The following PXDC1 variants were observed in gnomAD, a reference collection of about 807,000 sequenced individuals.
PXDC1 encodes PX domain-containing protein 1.
In PXDC1, 13 loss-of-function variants were observed where a neutral mutation model predicts 24.4. That is an observed-to-expected ratio of 0.53 (90% CI 0.35 to 0.85). The LOEUF is 0.85. Ranked by LOEUF, PXDC1 falls within the 40% of genes least tolerant of loss-of-function variation. The probability of loss-of-function intolerance (pLI) is 0.01; values close to 1 mark genes in which losing one functional copy is unlikely to be tolerated. For synonymous variants in PXDC1, 162 were observed against 124.9 expected, an observed-to-expected ratio of 1.30 and a Z score of -1.98; for missense variants, 344 against 309.3, an observed-to-expected ratio of 1.11 and a Z score of -0.84.
chr6:3,737,057 A>G lies in PXDC1; in HGVS notation c.466+22T>C. The G allele has an allele frequency of 7.0e-7, 1 of 1,438,390 alleles. No individual in the cohort carries two copies. Among genetic ancestry groups the G allele is most frequent in the Non-Finnish European group, 9.8e-7 (1 of 1,019,628 alleles). The allele number at this position is 1,438,390 out of a possible 1,614,324, so 89.1% of individuals were successfully genotyped here. On this transcript the variant is annotated intron_variant, in intron 3 of 4. Coordinates refer to ENST00000380283, the MANE Select transcript of PXDC1 (RefSeq NM_183373.4). The surrounding 1 kb of genome is among the most constrained non-coding windows in gnomAD (Gnocchi z 5.5). ...GCCTCAACAGCAGTCCCTCCCACCA[A>G]CGCCTCCTTTGTGGCTCTTACCTGA...
At chr6:3,736,493 A>C (rs1446676845) in intron 3 of PXDC1, among the ~76,000 whole-genome samples, 3 of 152,232 alleles carry the variant, frequency 2.0e-5, no homozygotes, top group Non-Finnish European at 4.4e-5. Context: ...TTTTCCCTAC[A>C]AAATCCTCCT....
At chr6:3,729,721 T>C (rs1417420126) in intron 3 of PXDC1, among the ~76,000 whole-genome samples, 1 of 152,246 alleles carries the variant, frequency 6.6e-6, no homozygotes, top group Non-Finnish European at 1.5e-5. Flanking sequence ...TTATTGTTTT[T>C]ATTAACTCTG....
chr6:3,751,590 G>A lies in PXDC1; in HGVS notation c.-59C>T. On this transcript the variant is annotated 5_prime_UTR_variant, in exon 1 of 5. Coordinates refer to ENST00000380283, the MANE Select transcript of PXDC1 (RefSeq NM_183373.4). ...CCCCGCCGCCCGCCCGCCCGCAGGAGGCGCGCCCCGGCCGGGGTCGTCCCG... is the reference window on the plus strand; with the variant it reads ...CCCCGCCGCCCGCCCGCCCGCAGGAAGCGCGCCCCGGCCGGGGTCGTCCCG... 7 of 1,434,742 alleles carry A rather than the reference G, an allele frequency of 4.9e-6. No individual in the cohort carries two copies. The highest frequency in any genetic ancestry group is 2.8e-5 in the Admixed American group (1 of 36,306). The allele number at this position is 1,434,742 out of a possible 1,614,324, so 88.9% of individuals were successfully genotyped here.
chr6:3,737,058 C>A lies in PXDC1; in HGVS notation c.466+21G>T, dbSNP rs747615698. The A allele has an allele frequency of 1.4e-6, 2 of 1,440,976 alleles. No individual in the cohort carries two copies. The highest frequency in any genetic ancestry group is 2.0e-6 in the Non-Finnish European group (2 of 1,021,888). The allele number at this position is 1,440,976 out of a possible 1,614,324, so 89.3% of individuals were successfully genotyped here. A position where few individuals can be genotyped will look rare whatever the true frequency, so the allele number is the denominator to read the frequency against. On this transcript the variant is annotated intron_variant, in intron 3 of 4. Coordinates refer to ENST00000380283, the MANE Select transcript of PXDC1 (RefSeq NM_183373.4). This position sits in a 1 kb window ranked among gnomAD's most constrained non-coding sequence, Gnocchi z 5.5. ...CCTCAACAGCAGTCCCTCCCACCAA[C>A]GCCTCCTTTGTGGCTCTTACCTGAT...
intron 3 of PXDC1, among the ~76,000 whole-genome samples, chr6:3,729,681 A>G (rs552156793): frequency 5.3e-5 from 8 of 152,244 alleles, no homozygotes; most frequent in African/African-American, 7.2e-5. Context: ...CTCTCTATCT[A>G]AAATGGGTGG....
chr6:3,751,346 G>C lies in PXDC1; in HGVS notation c.186C>G (p.Arg62=). 1 of 1,553,974 alleles carries C rather than the reference G, an allele frequency of 6.4e-7. No homozygotes were observed. The highest frequency in any genetic ancestry group is 1.2e-5 in the South Asian group (1 of 84,342). ...YLHRSLADLG[R]LWQRLRDAFP... Reference sequence around the variant, plus strand: ...AGGCGTCGCGCAGGCGCTGCCACAGGCGGCCCAGGTCCGCCAGGCTGCGGT... The same window carrying C: ...AGGCGTCGCGCAGGCGCTGCCACAGCCGGCCCAGGTCCGCCAGGCTGCGGT... Residue 62 remains arginine, a synonymous_variant, in exon 1 of 5, where the codon CGC becomes CGG. Coordinates refer to ENST00000380283, the MANE Select transcript of PXDC1 (RefSeq NM_183373.4).
chr6:3,733,507 G>A (rs904159004), intron 3 of PXDC1, among the ~76,000 whole-genome samples: 2 of 152,162 alleles, frequency 1.3e-5, no homozygotes, highest in African/African-American at 4.8e-5. Flanking sequence ...GACACAGTGA[G>A]GGGCGAGCTA....
chr6:3,737,366 T>C lies in PXDC1; in HGVS notation c.349-170A>G, dbSNP rs1760343095. Among the ~76,000 whole-genome samples the C allele has an allele frequency of 6.6e-6, 1 of 152,224 alleles. No individual in the cohort carries two copies. Among genetic ancestry groups the C allele is most frequent in the Non-Finnish European group, 1.5e-5 (1 of 68,028 alleles). ...GCCGCAGGGGCGGGGCTGCCATCAC[T>C]GCACAGCCCTCACATGCTCATGGCC... On this transcript the variant is annotated intron_variant, in intron 2 of 4. Transcript: ENST00000380283. The surrounding 1 kb of genome is among the most constrained non-coding windows in gnomAD (Gnocchi z 5.5).
chr6:3,751,094 C>A, intron 1 of PXDC1, 182 bp downstream of exon 1: 1 of 519,292 alleles, frequency 1.9e-6, no homozygotes, highest in Non-Finnish European at 3.3e-6. Context: ...AGGCTGGCTC[C>A]CCGTCCCCCT....
In PXDC1 at chr6:3,751,628, G is replaced by GCCGGGGTCGT; in HGVS notation, c.-107_-98dup. Reference sequence around the variant, plus strand: ...CGGGGTCGTCCCGGGTCTGTCCGTGGCCGGGGTCGTCCGGGGTCGGCCCGT... The same window carrying GCCGGGGTCGT: ...CGGGGTCGTCCCGGGTCTGTCCGTGGCCGGGGTCGTCCGGGGTCGTCCGGGGTCGGCCCGT... On this transcript the variant is annotated 5_prime_UTR_variant, in exon 1 of 5. Coordinates refer to ENST00000380283, the MANE Select transcript of PXDC1 (RefSeq NM_183373.4). 2.2e-6 allele frequency: 3 copies of GCCGGGGTCGT among 1,351,604 alleles called. No homozygotes were observed. The highest frequency in any genetic ancestry group is 2.8e-6 in the Non-Finnish European group (3 of 1,057,788). The allele number at this position is 1,351,604 out of a possible 1,614,324, so 83.7% of individuals were successfully genotyped here. A position where few individuals can be genotyped will look rare whatever the true frequency, so the allele number is the denominator to read the frequency against.
chr6:3,747,347 C>T (rs1561740429), intron 1 of PXDC1, among the ~76,000 whole-genome samples: 1 of 152,162 alleles, frequency 6.6e-6, no homozygotes. Context: ...CAGCACCTGC[C>T]TCCACGCCTC....
Position 3,723,567 on chromosome 6 carries a change from G to C in PXDC1, c.*52C>G. On this transcript the variant is annotated 3_prime_UTR_variant, in exon 5 of 5. Transcript: ENST00000380283. Reference sequence around the variant, plus strand: ...ACCATGGGGGCCAGCACAGTGGACAGCATCAGAGCTGGCAGTGAACAGCTG... The same window carrying C: ...ACCATGGGGGCCAGCACAGTGGACACCATCAGAGCTGGCAGTGAACAGCTG... 7.5e-7 allele frequency: 1 copy of C among 1,337,264 alleles called. No homozygotes were observed. Among genetic ancestry groups the C allele is most frequent in the Non-Finnish European group, 1.1e-6 (1 of 929,748 alleles). 82.8% of individuals were successfully genotyped at this position (1,337,264 alleles called of 1,614,324 possible).
rs1760010193 is a variant in PXDC1, at chr6:3,724,404, C to G, written c.579-668G>C. Reference sequence around the variant, plus strand: ...ACGTAAAAGCCCGCGATACTGACTCCCCACACACTGGAACTGTTTCTACTC... The same window carrying G: ...ACGTAAAAGCCCGCGATACTGACTCGCCACACACTGGAACTGTTTCTACTC... On this transcript the variant is annotated intron_variant, in intron 4 of 4. Coordinates refer to ENST00000380283, the MANE Select transcript of PXDC1 (RefSeq NM_183373.4). The surrounding 1 kb of genome is among the most constrained non-coding windows in gnomAD (Gnocchi z 4.5). Among the ~76,000 whole-genome samples, 1 of 152,172 alleles carries G rather than the reference C, an allele frequency of 6.6e-6. No individual in the cohort carries two copies. The highest frequency in any genetic ancestry group is 2.1e-4 in the South Asian group (1 of 4,826).
Position 3,723,639 on chromosome 6 carries a change from C to T in PXDC1, c.676G>A (p.Glu226Lys), listed in dbSNP as rs1303911044. The T allele has an allele frequency of 3.7e-6, 6 of 1,613,896 alleles. No homozygotes were observed. Among genetic ancestry groups the T allele is most frequent in the Non-Finnish European group, 4.2e-6 (5 of 1,179,914 alleles). Residue 226 changes from glutamate to lysine, a missense_variant, in exon 5 of 5, where the codon GAG (glutamate) becomes AAG (lysine). Physicochemically the swap from Glu to Lys is moderately conservative, Grantham distance 56 (BLOSUM62 1). Coordinates refer to ENST00000380283, the MANE Select transcript of PXDC1 (RefSeq NM_183373.4). ...NLSYYHLVPF[E>K]TDIWD Reference sequence around the variant, plus strand: ...GAGGTTCAGTCCCAAATGTCTGTCTCGAAGGGGACCAGGTGGTAATATGAC... The same window carrying T: ...GAGGTTCAGTCCCAAATGTCTGTCTTGAAGGGGACCAGGTGGTAATATGAC...
rs1760351457 is a variant in PXDC1, at chr6:3,737,658, G to A, written c.348+399C>T. ...CGGTCAAATCCGGGCAACGTGCCCCGCTGTGCTGACGCCAACGTTCTTCTT... is the reference window on the plus strand; with the variant it reads ...CGGTCAAATCCGGGCAACGTGCCCCACTGTGCTGACGCCAACGTTCTTCTT... On this transcript the variant is annotated intron_variant, in intron 2 of 4. Transcript: ENST00000380283. This position sits in a 1 kb window ranked among gnomAD's most constrained non-coding sequence, Gnocchi z 5.5. The A allele has an allele frequency of 7.1e-6, 7 of 985,280 alleles. No individual in the cohort carries two copies. Among genetic ancestry groups the A allele is most frequent in the South Asian group, 4.7e-5 (1 of 21,290 alleles). 61.0% of individuals were successfully genotyped at this position (985,280 alleles called of 1,614,324 possible). A position where few individuals can be genotyped will look rare whatever the true frequency, so the allele number is the denominator to read the frequency against.
chr6:3,734,565 ACACC>A (rs1268417499), intron 3 of PXDC1, among the ~76,000 whole-genome samples: 1 of 152,118 alleles, frequency 6.6e-6, no homozygotes, highest in Non-Finnish European at 1.5e-5. Flanking sequence ...GGATCCATAG[ACACC>A]CAGCCAGGAA....
rs1760706209 is a variant in PXDC1 at position 3,751,163 on chromosome 6, A to G, written c.256+113T>C. ...CGCGGGGTCCAAGTGTCCCCTGTCCAGGGCGGGCAGAAAGGAGAAGTCGCA... is the reference window on the plus strand; with the variant it reads ...CGCGGGGTCCAAGTGTCCCCTGTCCGGGGCGGGCAGAAAGGAGAAGTCGCA... On this transcript the variant is annotated intron_variant, in intron 1 of 4. Transcript: ENST00000380283. The G allele has an allele frequency of 4.7e-6, 4 of 856,618 alleles. No homozygotes were observed. In the African/African-American group the frequency reaches 7.3e-5, roughly 16 times the overall value. The allele number at this position is 856,618 out of a possible 1,614,324, so 53.1% of individuals were successfully genotyped here. A position where few individuals can be genotyped will look rare whatever the true frequency, so the allele number is the denominator to read the frequency against.
rs532026786 is a variant in PXDC1 at position 3,724,553 on chromosome 6, G to T, written c.579-817C>A. Reference sequence around the variant, plus strand: ...GAAGGGGGACAGAGCTGTACGGCTCGTGGGATTTTCCTCCACCTATGAATC... The same window carrying T: ...GAAGGGGGACAGAGCTGTACGGCTCTTGGGATTTTCCTCCACCTATGAATC... On this transcript the variant is annotated intron_variant, in intron 4 of 4. Transcript: ENST00000380283. The surrounding 1 kb of genome is among the most constrained non-coding windows in gnomAD (Gnocchi z 4.5). Among the ~76,000 whole-genome samples, 1 of 152,200 alleles carries T rather than the reference G, an allele frequency of 6.6e-6. No individual in the cohort carries two copies. The highest frequency in any genetic ancestry group is 1.5e-5 in the Non-Finnish European group (1 of 68,044).
At chr6:3,738,950 C>T (rs543820124) in intron 1 of PXDC1, 55 of 1,298,830 alleles carry the variant, frequency 4.2e-5, no homozygotes, top group South Asian at 3.2e-4. Flanking sequence ...CTTGTGTGAC[C>T]GAGGCTGATG....
Sources: allele counts gnomAD v4.1 joint callset (sites outside exome capture counted in the v4.1 genomes callset), GRCh38; gene constraint gnomAD v4.1.1; non-coding constraint Gnocchi (gnomAD v3.1); transcripts MANE v1.5; gene names NCBI Gene and HGNC (gene_info 2026-07-23, HGNC 2026-07-21).